The following NCALD variants were observed in gnomAD, a reference collection of about 807,000 sequenced individuals.
NCALD encodes neurocalcin delta, also known as neurocalcin-delta.
A neutral mutation model predicts 18.6 loss-of-function variants in NCALD; 10 were observed. The ratio of observed to expected loss-of-function variants is 0.54; its 90% confidence interval spans 0.33 to 0.91. The LOEUF (loss-of-function observed/expected upper bound fraction) is 0.91, where lower values mean the gene tolerates loss of function less well. NCALD is among the 40% of genes least tolerant of loss of function. The probability of loss-of-function intolerance (pLI) is 0.03; values close to 1 mark genes in which losing one functional copy is unlikely to be tolerated. For missense variants in NCALD, 184 were observed against 247.6 expected (o/e 0.74, Z 1.72); for synonymous variants, 88 against 87.4 (o/e 1.01, Z -0.04).
intron 1 of NCALD, among the ~76,000 whole-genome samples, chr8:102,068,593 C>A (rs554641618): frequency 6.6e-6 from 1 of 152,334 alleles, no homozygotes; most frequent in South Asian, 2.1e-4. Context: ...CCTACCCCTG[C>A]CCACACCCTC....
At chr8:101,878,894 A>T (rs959302410) in intron 4 of NCALD, among the ~76,000 whole-genome samples, 2 of 152,194 alleles carry the variant, frequency 1.3e-5, no homozygotes, top group Non-Finnish European at 2.9e-5. Flanking sequence ...ATGTCCTATG[A>T]TTACGATGAT....
chr8:101,741,936 C>CA (rs71278804), intron 1 of NCALD, among the ~76,000 whole-genome samples: 42,969 of 75,864 alleles, frequency 0.57, 13,106 homozygotes, highest in Non-Finnish European at 0.72. Flanking sequence ...AAGCCTGTCT[C>CA]AAAAAAAAAA....
chr8:102,006,481 C>A lies in NCALD; in HGVS notation c.-157+13756G>T, dbSNP rs529241265. Among the ~76,000 whole-genome samples the A allele has an allele frequency of 2.0e-5, 3 of 152,318 alleles. No individual in the cohort carries two copies. The East Asian group carries it at 5.8e-4, about 29-fold the overall frequency. ...ACTTCATCTCCTCCCTAGACCTAGC[C>A]TCTAGATCAGTTCTCCACCTTTCTC... On this transcript the variant is annotated intron_variant, in intron 2 of 6. Transcript: ENST00000311028.
chr8:101,763,610 G>A (rs1586435423), intron 1 of NCALD, among the ~76,000 whole-genome samples: 1 of 152,114 alleles, frequency 6.6e-6, no homozygotes, highest in East Asian at 1.9e-4. Context: ...GTTTTTGGAT[G>A]AGATTACCAT....
intron 2 of NCALD, among the ~76,000 whole-genome samples, chr8:102,017,848 A>G (rs1350328476): frequency 6.6e-6 from 1 of 152,240 alleles, no homozygotes; most frequent in African/African-American, 2.4e-5. Flanking sequence ...TTTGCAAAGC[A>G]CATATTTAAT....
chr8:101,911,805 G>A (rs1208562126), intron 3 of NCALD, among the ~76,000 whole-genome samples: 9 of 152,040 alleles, frequency 5.9e-5, no homozygotes, highest in East Asian at 1.9e-4. Context: ...TTTCTGTTTC[G>A]GTCCCCTAAG....
intron 2 of NCALD, among the ~76,000 whole-genome samples, chr8:101,990,268 G>A (rs1820989836): frequency 6.6e-6 from 1 of 152,320 alleles, no homozygotes; most frequent in South Asian, 2.1e-4. Context: ...CCTTGAGAGA[G>A]AAATTATGGG....
intron 4 of NCALD, among the ~76,000 whole-genome samples, chr8:101,841,091 T>C (rs992637627): frequency 3.3e-5 from 5 of 152,164 alleles, no homozygotes; most frequent in African/African-American, 1.2e-4. Context: ...TCTTGGAGGA[T>C]CTAAATAGGC....
chr8:101,832,651 A>T (rs754213131), intron 4 of NCALD, among the ~76,000 whole-genome samples: 1 of 152,182 alleles, frequency 6.6e-6, no homozygotes, highest in Non-Finnish European at 1.5e-5. Context: ...GGTTATATTT[A>T]TTTTTTTAAG....
At chr8:101,927,730 T>A (rs144434580) in intron 2 of NCALD, among the ~76,000 whole-genome samples, 1 of 152,120 alleles carries the variant, frequency 6.6e-6, no homozygotes, top group African/African-American at 2.4e-5. Context: ...GGCAGTTGTG[T>A]CTACCCAGTG....
At chr8:101,847,172 T>C (rs1339484183) in intron 4 of NCALD, 1 of 156,602 alleles carries the variant, frequency 6.4e-6, no homozygotes, top group African/African-American at 2.4e-5. Context: ...ACTATTGCTT[T>C]GCTGCTGTCT....
chr8:102,006,021 AAGT>A (rs1350895999), intron 2 of NCALD, among the ~76,000 whole-genome samples: 1 of 150,850 alleles, frequency 6.6e-6, no homozygotes, highest in East Asian at 2.0e-4. Context: ...CTAAAACTTA[AAGT>A]ATAATAATAA....
At chr8:101,693,540 G>A (rs1814847407) in intron 2 of NCALD, 1 of 152,042 alleles carries the variant, frequency 6.6e-6, no homozygotes, top group African/African-American at 2.4e-5. Flanking sequence ...ATTGGGTAGT[G>A]TGGGGGAAAG....
intron 4 of NCALD, among the ~76,000 whole-genome samples, chr8:101,878,299 T>C (rs1048023661): frequency 2.6e-5 from 4 of 152,230 alleles, no homozygotes; most frequent in African/African-American, 9.6e-5. Context: ...TTTTAAACTT[T>C]GAAAAATGTT....
At chr8:102,006,212 T>G (rs1821705742) in intron 2 of NCALD, among the ~76,000 whole-genome samples, 1 of 152,210 alleles carries the variant, frequency 6.6e-6, no homozygotes, top group Non-Finnish European at 1.5e-5. Flanking sequence ...TGGTTTTTCC[T>G]CATATCATTA....
chr8:101,954,203 C>T (rs1218738582), intron 2 of NCALD, among the ~76,000 whole-genome samples: 1 of 152,148 alleles, frequency 6.6e-6, no homozygotes, highest in East Asian at 1.9e-4. Context: ...TCTTACTCAT[C>T]CATATTTTGG....
intron 1 of NCALD, among the ~76,000 whole-genome samples, chr8:102,081,669 A>C (rs958768318): frequency 3.9e-5 from 6 of 152,084 alleles, no homozygotes; most frequent in African/African-American, 1.4e-4. Context: ...TGCGGACTTA[A>C]GCCAGACATC....
At chr8:101,903,696 C>T (rs1817515939) in intron 3 of NCALD, among the ~76,000 whole-genome samples, 2 of 152,160 alleles carry the variant, frequency 1.3e-5, no homozygotes, top group African/African-American at 4.8e-5. Context: ...ACAAATGGCT[C>T]CTTCCTGTGC....
intron 1 of NCALD, among the ~76,000 whole-genome samples, chr8:102,040,800 A>T (rs1213715782): frequency 1.3e-5 from 2 of 152,224 alleles, no homozygotes; most frequent in African/African-American, 4.8e-5. Context: ...ACAAACAGGC[A>T]TCCATCTTCA....
Sources: allele counts gnomAD v4.1 joint callset (sites outside exome capture counted in the v4.1 genomes callset), GRCh38; gene constraint gnomAD v4.1.1; transcripts MANE v1.5; gene names NCBI Gene and HGNC (gene_info 2026-07-23, HGNC 2026-07-21).